The following LIMCH1 variants were observed in gnomAD, a reference collection of about 807,000 sequenced individuals.
LIMCH1 encodes LIM and calponin homology domains 1.
A neutral mutation model predicts 176.5 loss-of-function variants in LIMCH1; 113 were observed. The observed-to-expected ratio is 0.64, with a 90% confidence interval of 0.55 to 0.75. LIMCH1 has a LOEUF of 0.75. Among genes scored for constraint, LIMCH1 ranks in the 30% least tolerant of loss-of-function variants. The probability of loss-of-function intolerance (pLI) is 0.00; values close to 1 mark genes in which losing one functional copy is unlikely to be tolerated. For synonymous variants in LIMCH1, 619 were observed against 645.9 expected (o/e 0.96, Z 0.63); for missense variants, 1,674 against 1,814.9 (o/e 0.92, Z 1.41).
chr4:41,384,573 G>A (rs2056228778), intron 1 of LIMCH1, among the ~76,000 whole-genome samples: 1 of 152,152 alleles, frequency 6.6e-6, no homozygotes, highest in South Asian at 2.1e-4. Context: ...AAGTGAAAGT[G>A]TGGGTATTGG....
In LIMCH1 at chr4:41,369,075, C is replaced by T. The variant is rs185783936; in HGVS notation, c.96+8139C>T. 1.4e-4 allele frequency among the ~76,000 whole-genome samples: 22 copies of T among 152,226 alleles called. No homozygotes were observed. In the East Asian group the frequency reaches 4.0e-3, roughly 28 times the overall value. ...TCCCAAATTCTTCCAAAAGAGGGGGCTTTATAAACTACTAAAGCCAGGTGC... is the reference window on the plus strand; with the variant it reads ...TCCCAAATTCTTCCAAAAGAGGGGGTTTTATAAACTACTAAAGCCAGGTGC... On this transcript the variant is annotated intron_variant, in intron 1 of 26. Coordinates refer to the LIMCH1 transcript ENST00000313860.
At chr4:41,401,959 A>G (rs1426572833) in intron 1 of LIMCH1, among the ~76,000 whole-genome samples, 1 of 152,204 alleles carries the variant, frequency 6.6e-6, no homozygotes, top group Non-Finnish European at 1.5e-5. Flanking sequence ...TTCTAGATAT[A>G]CAATCGTGTC....
At chr4:41,438,442 A>G (rs1209315834) in intron 1 of LIMCH1, among the ~76,000 whole-genome samples, 1 of 150,648 alleles carries the variant, frequency 6.6e-6, no homozygotes, top group Non-Finnish European at 1.5e-5. Context: ...GGCTCACTGC[A>G]GCCTCCATTT....
At chr4:41,641,959 C>T (rs750943000) in intron 14 of LIMCH1, among the ~76,000 whole-genome samples, 3 of 152,154 alleles carry the variant, frequency 2.0e-5, no homozygotes, top group Admixed American at 6.5e-5. Flanking sequence ...GAGATGGGAA[C>T]GCAGGACAGA....
chr4:41,672,723 C>T (rs147754191), intron 22 of LIMCH1, among the ~76,000 whole-genome samples: 171 of 152,272 alleles, frequency 1.1e-3, no homozygotes, highest in East Asian at 2.9e-3. Context: ...AGGCCTTGTT[C>T]GCCCTCTGGA....
chr4:41,467,517 T>G (rs2066327431), intron 1 of LIMCH1, among the ~76,000 whole-genome samples: 1 of 152,116 alleles, frequency 6.6e-6, no homozygotes, highest in African/African-American at 2.4e-5. Flanking sequence ...GAACTCCCCT[T>G]TATAAAACCA....
intron 1 of LIMCH1, among the ~76,000 whole-genome samples, chr4:41,375,637 C>T (rs2154099780): frequency 6.6e-6 from 1 of 152,270 alleles, no homozygotes; most frequent in South Asian, 2.1e-4. Flanking sequence ...AGTTGCTGTT[C>T]ACCGGACACT....
In LIMCH1 at chr4:41,449,245, C is replaced by A. The variant is rs142092185; in HGVS notation, c.97-45291C>A. 4.9e-3 allele frequency among the ~76,000 whole-genome samples: 748 copies of A among 152,148 alleles called. 9 individuals are homozygous for A. Among genetic ancestry groups the A allele is most frequent in the African/African-American group, 0.017 (699 of 41,498 alleles). On this transcript the variant is annotated intron_variant, in intron 1 of 26. Transcript: ENST00000313860. ...TGCTCCCAGATGCTGGCTTTTCTCT[C>A]CCGATGACACCCCACTATCTTGACT... is the stretch of plus-strand genomic sequence containing the variant.
At chr4:41,400,349 A>G (rs1216735327) in intron 1 of LIMCH1, among the ~76,000 whole-genome samples, 2 of 152,080 alleles carry the variant, frequency 1.3e-5, no homozygotes, top group Non-Finnish European at 2.9e-5. Flanking sequence ...CTTCCCAAAA[A>G]CCATAAAATG....
At chr4:41,371,959 GA>G (rs1435918126) in intron 1 of LIMCH1, among the ~76,000 whole-genome samples, 2 of 152,222 alleles carry the variant, frequency 1.3e-5, no homozygotes, top group Admixed American at 1.3e-4. Context: ...GTTCATGTGA[GA>G]TTTTTATTAA....
intron 4 of LIMCH1, 81 bp from the exon 5 acceptor site, chr4:41,613,385 T>A (rs56150089): frequency 1.4e-5 from 17 of 1,213,070 alleles, no homozygotes; most frequent in Non-Finnish European, 1.5e-5. Context: ...AGGGGTTTTT[T>A]TGGAGACCAC....
In LIMCH1 at chr4:41,571,852, A is replaced by C. The variant is rs200901831; in HGVS notation, c.-240-27068A>C. 9.2e-5 allele frequency among the ~76,000 whole-genome samples: 14 copies of C among 152,296 alleles called. No individual in the cohort carries two copies. In the East Asian group the frequency reaches 2.7e-3, roughly 29 times the overall value. ...TAGGGTTTGATGTCAAGGATGTCGA[A>C]AACCATTGCCACCTCAGAAACCTTT... On this transcript the variant is annotated intron_variant, in intron 1 of 31. Transcript: ENST00000503057.
intron 13 of LIMCH1, among the ~76,000 whole-genome samples, chr4:41,637,696 C>T (rs2093649632): frequency 6.6e-6 from 1 of 152,234 alleles, no homozygotes; most frequent in East Asian, 1.9e-4. Flanking sequence ...TGGGGTTTTG[C>T]ATTGGTATGG....
At chr4:41,631,622 C>A (rs1252876481) in intron 10 of LIMCH1, 145 bp downstream of exon 10, 4 of 658,840 alleles carry the variant, frequency 6.1e-6, no homozygotes, top group Admixed American at 3.6e-5. Flanking sequence ...GTTAGCGGGT[C>A]CCCCTGCGGG....
chr4:41,544,149 C>T (rs987474723), intron 1 of LIMCH1, among the ~76,000 whole-genome samples: 8 of 151,968 alleles, frequency 5.3e-5, no homozygotes, highest in African/African-American at 1.2e-4. Flanking sequence ...TGTTATGCTC[C>T]GGCTTGTAAT....
intron 1 of LIMCH1, among the ~76,000 whole-genome samples, chr4:41,563,989 C>G (rs2082391770): frequency 6.6e-6 from 1 of 152,120 alleles, no homozygotes; most frequent in African/African-American, 2.4e-5. Context: ...TGTGTTCCCC[C>G]TCTCTGTTTT....
intron 1 of LIMCH1, among the ~76,000 whole-genome samples, chr4:41,461,939 T>C (rs1353162094): frequency 6.6e-6 from 1 of 152,244 alleles, no homozygotes; most frequent in African/African-American, 2.4e-5. Context: ...GATTGATTGT[T>C]CTGCAGGACT....
At chr4:41,599,208 T>C in intron 2 of LIMCH1, 182 bp downstream of exon 2, 1 of 466,700 alleles carries the variant, frequency 2.1e-6, no homozygotes, top group East Asian at 3.4e-5. Flanking sequence ...ATAGCTTTCA[T>C]TCTGATCAAA....
rs183568260 is a variant in LIMCH1 at position 41,577,955 on chromosome 4, C to A, written c.-240-20965C>A. On this transcript the variant is annotated intron_variant, in intron 1 of 31. Coordinates refer to ENST00000503057, the MANE Select transcript of LIMCH1 (RefSeq NM_001330672.2). ...TCATTTTAAACAATGTTGCAATGGG[C>A]ATTCTTTCATAAAAAGCTTTGTGAA... Among the ~76,000 whole-genome samples the A allele has an allele frequency of 6.7e-3, 1,026 of 152,156 alleles. 5 individuals carry two copies. Among genetic ancestry groups the A allele is most frequent in the South Asian group, 0.027 (129 of 4,814 alleles).
Sources: gnomAD v4.1 joint callset for allele counts (sites outside exome capture counted in the v4.1 genomes callset) on GRCh38, gnomAD v4.1.1 for gene constraint, MANE v1.5 for transcripts, NCBI Gene and HGNC (gene_info 2026-07-23, HGNC 2026-07-21) for gene names.